The following WDPCP variants were observed in gnomAD, a reference collection of about 807,000 sequenced individuals.
WDPCP encodes WD repeat-containing and planar cell polarity effector protein fritz homolog.
WDPCP carries 71 observed loss-of-function variants against 93.1 expected under a neutral mutation model. The observed-to-expected ratio is 0.76, with a 90% CI of 0.63 to 0.93. The LOEUF (loss-of-function observed/expected upper bound fraction) is 0.93. Ranked by LOEUF, WDPCP falls within the 40% of genes least tolerant of loss-of-function variation. The pLI is 0.00. For synonymous variants in WDPCP, 315 were observed against 315.0 expected, an observed-to-expected ratio of 1.00 and a Z score of 0.00; for missense variants, 844 against 887.4, an observed-to-expected ratio of 0.95 and a Z score of 0.62.
chr2:63,468,511 C>T (rs1213246415), intron 6 of WDPCP, among the ~76,000 whole-genome samples: 2 of 152,172 alleles, frequency 1.3e-5, no homozygotes, highest in Non-Finnish European at 2.9e-5. Flanking sequence ...CTGTTGCTAC[C>T]TCACACTTCT....
intron 14 of WDPCP, among the ~76,000 whole-genome samples, chr2:63,194,934 C>T (rs142071330): frequency 3.3e-5 from 5 of 152,154 alleles, no homozygotes; most frequent in African/African-American, 9.6e-5. Context: ...CAGTAGTAAT[C>T]AGATGGTTTT....
chr2:63,385,599 A>G lies in WDPCP; in HGVS notation c.1436-3505T>C, dbSNP rs553308245. On this transcript the variant is annotated intron_variant, in intron 10 of 17. Coordinates refer to ENST00000272321, the MANE Select transcript of WDPCP (RefSeq NM_015910.7). ...TACACTTAAAATTATAAAACTACGC[A>G]GAGAGAAACTAATGAACACCTAAAT... Among the ~76,000 whole-genome samples, 4 of 152,228 alleles carry G rather than the reference A, an allele frequency of 2.6e-5. No individual in the cohort carries two copies. The South Asian group carries it at 8.3e-4, about 32-fold the overall frequency.
intron 14 of WDPCP, among the ~76,000 whole-genome samples, chr2:63,213,734 A>C (rs1161201675): frequency 6.6e-6 from 1 of 152,222 alleles, no homozygotes; most frequent in African/African-American, 2.4e-5. Context: ...TAGCAAGACT[A>C]ATAAAGAAGA....
intron 2 of WDPCP, among the ~76,000 whole-genome samples, chr2:63,781,418 T>G (rs1670389403): frequency 6.6e-6 from 1 of 152,068 alleles, no homozygotes; most frequent in South Asian, 2.1e-4. Context: ...AGGGATAGAG[T>G]GCCTACTCTC....
chr2:63,814,286 A>C (rs1380307785), intron 1 of WDPCP, among the ~76,000 whole-genome samples: 1 of 152,144 alleles, frequency 6.6e-6, no homozygotes, highest in Non-Finnish European at 1.5e-5. Context: ...CATTCTGGTC[A>C]TTGAAATGCA....
At position 63,554,004 on chromosome 2, in the gene WDPCP, A is replaced by G. The variant is rs555137527; in HGVS notation, c.75+34193T>C. Among the ~76,000 whole-genome samples the G allele has an allele frequency of 2.6e-5, 4 of 152,312 alleles. No homozygotes were observed. The East Asian group carries it at 7.7e-4, about 29-fold the overall frequency. On this transcript the variant is annotated intron_variant, in intron 1 of 17. Coordinates refer to ENST00000272321, the MANE Select transcript of WDPCP (RefSeq NM_015910.7). ...AACCACAGTACAACCATCAAAATTA[A>G]TAATTTACTATCAACACAATTTTAC...
rs1694515911 is a variant in WDPCP, at chr2:63,405,598, GT to G, written c.826-942del. 4.8e-5 allele frequency among the ~76,000 whole-genome samples: 7 copies of G among 145,410 alleles called. No homozygotes were observed. In the South Asian group the frequency reaches 1.1e-3, roughly 22 times the overall value. ...GTGTGTGTGTGTGTTGGCGGGGGTGGTCCTGGAACCAATCATCCACATATAT... is the reference window on the plus strand; with the variant it reads ...GTGTGTGTGTGTGTTGGCGGGGGTGGCCTGGAACCAATCATCCACATATAT... On this transcript the variant is annotated intron_variant, in intron 9 of 17. Transcript: ENST00000272321.
At chr2:63,299,294 C>G (rs747943380) in intron 13 of WDPCP, among the ~76,000 whole-genome samples, 67 of 152,212 alleles carry the variant, frequency 4.4e-4, no homozygotes, top group Non-Finnish European at 8.2e-4. Context: ...ATGCCCTTCA[C>G]CTGTATCAAA....
intron 15 of WDPCP, among the ~76,000 whole-genome samples, chr2:63,159,165 C>CTT: frequency 8.0e-6 from 1 of 124,378 alleles, no homozygotes. Flanking sequence ...CAAAAAAAAA[C>CTT]TTTTTTTTTT....
chr2:63,475,860 C>T (rs574377438), intron 6 of WDPCP, among the ~76,000 whole-genome samples: 4 of 151,960 alleles, frequency 2.6e-5, no homozygotes, highest in Non-Finnish European at 5.9e-5. Flanking sequence ...AGATACTCAT[C>T]TACTCCTTCT....
intron 12 of WDPCP, among the ~76,000 whole-genome samples, chr2:63,330,875 T>C (rs1310532733): frequency 6.7e-6 from 1 of 148,994 alleles, no homozygotes; most frequent in African/African-American, 2.5e-5. Context: ...GGCTTTTTTT[T>C]TTTTTTTTTT....
rs1374915401 is a variant in WDPCP, at chr2:63,338,564, AAAAAAATATATATATATATAT to A, written c.1749-25274_1749-25254del. On this transcript the variant is annotated intron_variant, in intron 12 of 17. Transcript: ENST00000272321. ...CAAAACTCCATCTAAAAAAAAAAAA[AAAAAAATATATATATATATAT>A]ATATATATATATATATATATATATA... Among the ~76,000 whole-genome samples, 148 of 23,346 alleles carry A rather than the reference AAAAAAATATATATATATATAT, an allele frequency of 6.3e-3. 6 individuals are homozygous for A. Among genetic ancestry groups the A allele is most frequent in the Middle Eastern group, 0.024 (1 of 42 alleles). The allele number at this position is 23,346 out of a possible 152,430, so 15.3% of individuals were successfully genotyped here. A position where few individuals can be genotyped will look rare whatever the true frequency, so the allele number is the denominator to read the frequency against.
At chr2:63,780,513 A>G (rs1216456888) in intron 2 of WDPCP, among the ~76,000 whole-genome samples, 1 of 152,214 alleles carries the variant, frequency 6.6e-6, no homozygotes, top group Non-Finnish European at 1.5e-5. Flanking sequence ...ATCCTCAATT[A>G]TAGAGAAGTA....
chr2:63,705,085 T>C (rs1345740314), intron 2 of WDPCP, among the ~76,000 whole-genome samples: 2 of 152,260 alleles, frequency 1.3e-5, no homozygotes, highest in Non-Finnish European at 2.9e-5. Context: ...TTCATTTGCA[T>C]AGAGGTGTTT....
intron 14 of WDPCP, among the ~76,000 whole-genome samples, chr2:63,226,015 A>G (rs1370803375): frequency 2.0e-5 from 3 of 151,924 alleles, no homozygotes; most frequent in Non-Finnish European, 4.4e-5. Context: ...AACACTTACA[A>G]TATGTATATT....
intron 12 of WDPCP, among the ~76,000 whole-genome samples, chr2:63,359,009 G>A (rs1216397859): frequency 6.6e-6 from 1 of 151,900 alleles, no homozygotes; most frequent in East Asian, 1.9e-4. Context: ...TTACTTATCC[G>A]CTTTCTTATT....
chr2:63,689,035 C>A (rs950599173), intron 2 of WDPCP, among the ~76,000 whole-genome samples: 3 of 152,072 alleles, frequency 2.0e-5, no homozygotes, highest in Admixed American at 6.5e-5. Flanking sequence ...CTTGAACTTC[C>A]CAGCCTCCAG....
At chr2:63,613,676 T>G (rs532683834) in intron 3 of WDPCP, among the ~76,000 whole-genome samples, 5 of 152,338 alleles carry the variant, frequency 3.3e-5, no homozygotes, top group African/African-American at 4.8e-5. Context: ...CTTCCACTGT[T>G]GGAGTGCAGA....
chr2:63,573,025 C>T (rs2166497), intron 1 of WDPCP, among the ~76,000 whole-genome samples: 122,098 of 151,934 alleles, frequency 0.8, 49,728 homozygotes, highest in East Asian at 0.98. Context: ...GGCAGGAGGA[C>T]TGACTGGGGC....
Sources: allele counts gnomAD v4.1 joint callset (sites outside exome capture counted in the v4.1 genomes callset), GRCh38; gene constraint gnomAD v4.1.1; transcripts MANE v1.5; gene names NCBI Gene and HGNC (gene_info 2026-07-23, HGNC 2026-07-21).